The following LOC400499 variants were observed in gnomAD, a reference collection of about 807,000 sequenced individuals.
At chr16:11,468,274 G>C in the LOC400499 span, among the ~76,000 whole-genome samples, 1 of 152,174 alleles carries the variant, frequency 6.6e-6, no homozygotes, top group Non-Finnish European at 1.5e-5. Flanking sequence ...ACTTCTGCAG[G>C]AAATTTGGGA....
the LOC400499 span, among the ~76,000 whole-genome samples, chr16:11,516,658 T>C: frequency 6.6e-6 from 1 of 152,196 alleles, no homozygotes; most frequent in Non-Finnish European, 1.5e-5. Flanking sequence ...CCCCAAAATA[T>C]GCCACTTGGG....
chr16:11,382,513 G>GAATT, the LOC400499 span, among the ~76,000 whole-genome samples: 1 of 152,344 alleles, frequency 6.6e-6, no homozygotes, highest in Non-Finnish European at 1.5e-5. Flanking sequence ...TGTTAGAACT[G>GAATT]AATTAGAGGG....
At chr16:11,388,552 G>A in the LOC400499 span, among the ~76,000 whole-genome samples, 9 of 152,282 alleles carry the variant, frequency 5.9e-5, no homozygotes, top group South Asian at 2.1e-4. Context: ...GTGCCTGTGA[G>A]GGGGAGGATA....
At chr16:11,421,115 G>A in the LOC400499 span, among the ~76,000 whole-genome samples, 2,804 of 152,210 alleles carry the variant, frequency 0.018, 105 homozygotes, top group African/African-American at 0.064. Context: ...AAGGTCAGAC[G>A]GGCCCCAGGC....
chr16:11,404,669 G>C, the LOC400499 span: 1 of 398,994 alleles, frequency 2.5e-6, no homozygotes, highest in Middle Eastern at 6.3e-4. Context: ...TTGAGTGACT[G>C]GGCCACCCCT....
chr16:11,446,247 T>TA, the LOC400499 span, among the ~76,000 whole-genome samples: 1 of 152,106 alleles, frequency 6.6e-6, no homozygotes, highest in African/African-American at 2.4e-5. Context: ...ATCCTGGGCT[T>TA]AATCAGATCC....
the LOC400499 span, among the ~76,000 whole-genome samples, chr16:11,430,590 A>T: frequency 6.6e-6 from 1 of 152,228 alleles, no homozygotes; most frequent in Admixed American, 6.5e-5. Context: ...TATAGAGAGA[A>T]TATGAGAATG....
the LOC400499 span, among the ~76,000 whole-genome samples, chr16:11,502,919 T>C: frequency 7.3e-6 from 1 of 136,546 alleles, no homozygotes; most frequent in South Asian, 2.4e-4. Context: ...TGGACCACCT[T>C]TTTTTTTTTT....
chr16:11,408,812 A>T, the LOC400499 span, among the ~76,000 whole-genome samples: 1 of 152,152 alleles, frequency 6.6e-6, no homozygotes, highest in South Asian at 2.1e-4. Flanking sequence ...AGGGGGAATT[A>T]TATCTGCAAC....
the LOC400499 span, chr16:11,393,246 G>A: frequency 3.1e-4 from 159 of 510,222 alleles, 3 homozygotes; most frequent in South Asian, 0.015. Context: ...CACCCATCTC[G>A]GCCTCCCAAA....
At chr16:11,382,710 T>C in the LOC400499 span, among the ~76,000 whole-genome samples, 1 of 152,162 alleles carries the variant, frequency 6.6e-6, no homozygotes, top group Non-Finnish European at 1.5e-5. Flanking sequence ...TTTGGGAGGC[T>C]GAGGCAGGAG....
At chr16:11,456,882 C>G in the LOC400499 span, 1 of 1,536,242 alleles carries the variant, frequency 6.5e-7, no homozygotes. Context: ...CAGGGTGGCC[C>G]GAGATGTGTC....
the LOC400499 span, among the ~76,000 whole-genome samples, chr16:11,427,141 T>C: frequency 1.3e-5 from 2 of 151,506 alleles, no homozygotes; most frequent in South Asian, 4.2e-4. Context: ...GTGGGTCACC[T>C]GAGCTCAGGA....
chr16:11,432,336 A>G, the LOC400499 span, among the ~76,000 whole-genome samples: 1 of 152,252 alleles, frequency 6.6e-6, no homozygotes, highest in African/African-American at 2.4e-5. Context: ...GTAGCTTGTT[A>G]TGCAGCAACA....
At chr16:11,516,444 C>T in the LOC400499 span, 1,264 of 397,710 alleles carry the variant, frequency 3.2e-3, 6 homozygotes, top group Non-Finnish European at 3.3e-3. Flanking sequence ...CACATCCCCC[C>T]ACTAGATAGC....
chr16:11,488,117 A>AG, the LOC400499 span, among the ~76,000 whole-genome samples: 1 of 30,500 alleles, frequency 3.3e-5, no homozygotes, highest in Non-Finnish European at 5.4e-5. Flanking sequence ...AGTCCATGTC[A>AG]AAAAAAAAAA....
At chr16:11,476,961 T>C in the LOC400499 span, 8 of 399,172 alleles carry the variant, frequency 2.0e-5, no homozygotes, top group Non-Finnish European at 3.5e-5. Flanking sequence ...GGGACAGGCA[T>C]GTACCAGCTG....
At chr16:11,405,845 A>G in the LOC400499 span, among the ~76,000 whole-genome samples, 59,124 of 151,914 alleles carry the variant, frequency 0.39, 11,887 homozygotes, top group South Asian at 0.48. Flanking sequence ...GATAGAACAC[A>G]ATGCAAACGC....
At chr16:11,482,180 A>G in the LOC400499 span, among the ~76,000 whole-genome samples, 1 of 152,174 alleles carries the variant, frequency 6.6e-6, no homozygotes, top group Non-Finnish European at 1.5e-5. Flanking sequence ...AAGACGATGA[A>G]CCCCAAGAGA....
Sources: allele counts gnomAD v4.1 joint callset (sites outside exome capture counted in the v4.1 genomes callset), GRCh38; gene constraint gnomAD v4.1.1; transcripts MANE v1.5.